PITPNM3: variants seen among roughly 807,000 people sequenced by gnomAD.
The protein encoded by PITPNM3 is PITPNM family member 3, also known as membrane-associated phosphatidylinositol transfer protein 3.
Under a neutral mutation model 102.0 loss-of-function variants are expected in PITPNM3, and 26 were observed. The ratio of observed to expected loss-of-function variants is 0.25; its 90% CI spans 0.19 to 0.35. PITPNM3 has a LOEUF of 0.35. PITPNM3 is among the 10% of genes least tolerant of loss of function. PITPNM3 has a pLI of 1.00. For synonymous variants in PITPNM3, 578 were observed against 558.6 expected (o/e 1.03, Z -0.49); for missense variants, 1,083 against 1,346.1 (o/e 0.80, Z 3.06).
Position 6,455,299 on chromosome 17 carries a change from T to C in PITPNM3, c.*39A>G. On this transcript the variant is annotated 3_prime_UTR_variant, in exon 20 of 20. Transcript: ENST00000262483. Reference sequence around the variant, plus strand: ...CCTCCCGTCCCCGCAGGCAGCCTGATTGGGCCCCCCGCTCCCTGCTCTGAG... The same window carrying C: ...CCTCCCGTCCCCGCAGGCAGCCTGACTGGGCCCCCCGCTCCCTGCTCTGAG... 2 of 1,533,170 alleles carry C rather than the reference T, an allele frequency of 1.3e-6. No individual in the cohort carries two copies. The highest frequency in any genetic ancestry group is 2.0e-5 in the Admixed American group (1 of 48,888). The allele number at this position is 1,533,170 out of a possible 1,614,324, so 95.0% of individuals were successfully genotyped here.
At chr17:6,549,346 C>A (rs1247765764) in intron 1 of PITPNM3, among the ~76,000 whole-genome samples, 1 of 152,266 alleles carries the variant, frequency 6.6e-6, no homozygotes, top group African/African-American at 2.4e-5. Flanking sequence ...CTGACAGTGA[C>A]CACACAGGCT....
intron 1 of PITPNM3, among the ~76,000 whole-genome samples, chr17:6,540,825 AT>A (rs990081824): frequency 2.6e-5 from 4 of 151,994 alleles, no homozygotes; most frequent in Non-Finnish European, 5.9e-5. Context: ...TGCCCGGCTA[AT>A]TTTTGTATTT....
In PITPNM3 at chr17:6,470,317, G is replaced by A. The variant is rs2150723982; in HGVS notation, c.1716C>T (p.His572=). The A allele has an allele frequency of 1.2e-6, 2 of 1,614,080 alleles. No individual in the cohort carries two copies. Among genetic ancestry groups the A allele is most frequent in the Non-Finnish European group, 1.7e-6 (2 of 1,180,000 alleles). Reference sequence around the variant, plus strand: ...ACTCCCAGTAACTGGCGTGGAAGAGGTGGGGCAGGGCCACGGTGGGGAAGG... The same window carrying A: ...ACTCCCAGTAACTGGCGTGGAAGAGATGGGGCAGGGCCACGGTGGGGAAGG... ...LTAFPTVALP[H]LFHASYWEST... Residue 572 remains histidine, a synonymous_variant, in exon 13 of 20, where the codon CAC becomes CAT. Coordinates refer to ENST00000262483, the MANE Select transcript of PITPNM3 (RefSeq NM_031220.4). The surrounding 1 kb of genome is among the most constrained non-coding windows in gnomAD (Gnocchi z 4.8).
chr17:6,505,199 T>C (rs1024334940), intron 3 of PITPNM3, among the ~76,000 whole-genome samples: 1 of 147,554 alleles, frequency 6.8e-6, no homozygotes, highest in African/African-American at 2.6e-5. Flanking sequence ...AAATAAAATA[T>C]ATATATATAT....
chr17:6,495,720 G>C (rs1484677423), intron 4 of PITPNM3, among the ~76,000 whole-genome samples: 1 of 151,946 alleles, frequency 6.6e-6, no homozygotes. Context: ...GGAGTTTTGA[G>C]GCGATGGCAG....
chr17:6,470,183 G>T lies in PITPNM3; in HGVS notation c.1773+77C>A. On this transcript the variant is annotated intron_variant, in intron 13 of 19. Coordinates refer to ENST00000262483, the MANE Select transcript of PITPNM3 (RefSeq NM_031220.4). The surrounding 1 kb of genome is among the most constrained non-coding windows in gnomAD (Gnocchi z 4.8). ...AAGCTGAACAGTGTCTGCAAGAATAGCCTCCTCTCCAGCTGGAGAAGGGGC... is the reference window on the plus strand; with the variant it reads ...AAGCTGAACAGTGTCTGCAAGAATATCCTCCTCTCCAGCTGGAGAAGGGGC... The T allele has an allele frequency of 6.8e-7, 1 of 1,460,602 alleles. No homozygotes were observed. Among genetic ancestry groups the T allele is most frequent in the Non-Finnish European group, 9.3e-7 (1 of 1,071,950 alleles). 90.5% of individuals were successfully genotyped at this position (1,460,602 alleles called of 1,614,324 possible).
intron 1 of PITPNM3, among the ~76,000 whole-genome samples, chr17:6,542,235 T>TGG (rs1253106508): frequency 6.6e-6 from 1 of 152,194 alleles, no homozygotes; most frequent in African/African-American, 2.4e-5. Flanking sequence ...AATCAGTGTC[T>TGG]GGGTATCCTT....
intron 3 of PITPNM3, among the ~76,000 whole-genome samples, chr17:6,523,807 C>T (rs79466359): frequency 0.052 from 7,921 of 152,228 alleles, 437 homozygotes; most frequent in East Asian, 0.16. Context: ...GAGTCAGAGC[C>T]CCCCCTTCTC....
At chr17:6,492,238 T>C (rs959526343) in intron 4 of PITPNM3, among the ~76,000 whole-genome samples, 3 of 151,742 alleles carry the variant, frequency 2.0e-5, no homozygotes, top group African/African-American at 7.3e-5. Flanking sequence ...CTAATTTTTG[T>C]ATTTTTAGTA....
chr17:6,529,145 A>C (rs892100584), intron 2 of PITPNM3, among the ~76,000 whole-genome samples: 1 of 152,144 alleles, frequency 6.6e-6, no homozygotes, highest in African/African-American at 2.4e-5. Flanking sequence ...CCACTGTCAC[A>C]ATAGCCCTGG....
Position 6,556,440 on chromosome 17 carries a change from C to T in PITPNM3, c.-34G>A. The T allele has an allele frequency of 8.2e-7, 1 of 1,226,614 alleles. No homozygotes were observed. Among genetic ancestry groups the T allele is most frequent in the Non-Finnish European group, 1.0e-6 (1 of 984,928 alleles). The allele number at this position is 1,226,614 out of a possible 1,614,324, so 76.0% of individuals were successfully genotyped here. On this transcript the variant is annotated 5_prime_UTR_variant, in exon 1 of 20. Coordinates refer to ENST00000262483, the MANE Select transcript of PITPNM3 (RefSeq NM_031220.4). The surrounding 1 kb of genome is among the most constrained non-coding windows in gnomAD (Gnocchi z 5.2). ...CGGCGGGCTCCGGCGGCGCTACGCG[C>T]GCTCCTCGCGCTTCCCGGGCCCGGC...
chr17:6,507,936 A>T (rs900733876), intron 3 of PITPNM3, among the ~76,000 whole-genome samples: 1 of 150,480 alleles, frequency 6.6e-6, no homozygotes, highest in African/African-American at 2.5e-5. Context: ...GAGGTGGGAA[A>T]GTTGGGGAGG....
Position 6,477,320 on chromosome 17 carries a change from G to A in PITPNM3, c.901-107C>T. The A allele has an allele frequency of 3.4e-6, 4 of 1,164,334 alleles. No individual in the cohort carries two copies. In the Admixed American group the frequency reaches 7.6e-5, roughly 22 times the overall value. 72.1% of individuals were successfully genotyped at this position (1,164,334 alleles called of 1,614,324 possible). ...CAAACCAACCCCTTCATCCTAAGAT[G>A]TGAGGGGCTACCCTTCTTCCAAAAG... On this transcript the variant is annotated intron_variant, in intron 8 of 19. Transcript: ENST00000262483.
chr17:6,506,373 T>C (rs1357678542), intron 3 of PITPNM3, among the ~76,000 whole-genome samples: 1 of 114,986 alleles, frequency 8.7e-6, no homozygotes, highest in Non-Finnish European at 1.8e-5. Context: ...TTCTTTTCCT[T>C]TCTCTCTTTT....
At position 6,544,687 on chromosome 17, in the gene PITPNM3, C is replaced by A. The variant is rs886958007; in HGVS notation, c.23-6605G>T. The stretch of plus-strand genomic sequence containing the variant: ...ACACACACACACACACAAATACACA[C>A]ATACACATACACGAGAACAGCAGGT... On this transcript the variant is annotated intron_variant, in intron 1 of 19. Transcript: ENST00000262483. Among the ~76,000 whole-genome samples, 6 of 150,494 alleles carry A rather than the reference C, an allele frequency of 4.0e-5. No homozygotes were observed. The South Asian group carries it at 6.3e-4, about 16-fold the overall frequency.
chr17:6,502,476 A>C (rs1260619665), intron 4 of PITPNM3, among the ~76,000 whole-genome samples: 2 of 151,968 alleles, frequency 1.3e-5, no homozygotes, highest in African/African-American at 4.8e-5. Flanking sequence ...AAAGAGAAAG[A>C]TTCTCTGGCA....
intron 1 of PITPNM3, among the ~76,000 whole-genome samples, chr17:6,549,466 G>C (rs555826607): frequency 1.2e-3 from 186 of 152,292 alleles, no homozygotes; most frequent in African/African-American, 4.4e-3. Context: ...CCCAGTGCTG[G>C]GACCCAGCTC....
chr17:6,510,367 G>A (rs1907800814), intron 3 of PITPNM3, among the ~76,000 whole-genome samples: 4 of 152,256 alleles, frequency 2.6e-5, no homozygotes, highest in Middle Eastern at 3.4e-3. Flanking sequence ...TGTCCCTGCA[G>A]CTCCCTCTGC....
chr17:6,484,152 G>T, intron 5 of PITPNM3, 64 bp downstream of exon 5: 1 of 1,497,934 alleles, frequency 6.7e-7, no homozygotes. Flanking sequence ...CCTATGATCC[G>T]AGGGCTCTTG....
Sources: gnomAD v4.1 joint callset for allele counts (sites outside exome capture counted in the v4.1 genomes callset) on GRCh38, gnomAD v4.1.1 for gene constraint, Gnocchi (gnomAD v3.1) non-coding constraint, MANE v1.5 for transcripts, NCBI Gene and HGNC (gene_info 2026-07-23, HGNC 2026-07-21) for gene names.